The following CARS1 variants were observed in gnomAD, a reference collection of about 807,000 sequenced individuals.
CARS1 encodes the protein cysteine--tRNA ligase, cytoplasmic.
In CARS1, 48 loss-of-function variants were observed where a neutral mutation model predicts 106.2. That is an observed-to-expected ratio of 0.45 (90% confidence interval 0.36 to 0.57). CARS1 has a LOEUF of 0.57. CARS1 is among the 20% of genes least tolerant of loss of function. The pLI, the probability that CARS1 is intolerant of heterozygous loss-of-function variation, is 0.00. For missense variants in CARS1, 968 were observed against 1,057.2 expected, an observed-to-expected ratio of 0.92 and a Z score of 1.17; for synonymous variants, 409 against 403.4, an observed-to-expected ratio of 1.01 and a Z score of -0.17.
rs200672048 is a variant in CARS1, at chr11:3,020,283, G to A, written c.1203C>T (p.Asn401=). The A allele has an allele frequency of 5.3e-5, 86 of 1,614,044 alleles. No homozygotes were observed. The East Asian group carries it at 8.2e-4, about 15-fold the overall frequency. Residue 401 remains asparagine (N), a synonymous_variant, in exon 11 of 23, where the codon AAC becomes AAT. Coordinates refer to ENST00000380525, the MANE Select transcript of CARS1 (RefSeq NM_001014437.3). The surrounding 1 kb of genome is among the most constrained non-coding windows in gnomAD (Gnocchi z 4.6). ...ADRLSEKRSP[N]DFALWKASKP... ...TAGAGGCCTTCCATAAGGCAAAGTC[G>A]TTGGGAGAGCGCTTCTCACTCAGGC...
In CARS1 at chr11:3,029,398, A is replaced by G; in HGVS notation, c.847T>C (p.Ser283Pro). The change falls in exon 8 of 23, where the codon TCT (serine) becomes CCT (proline). Residue 283 changes from serine (S) to proline (P), a missense_variant. Transcript: ENST00000380525. This position sits in a 1 kb window ranked among gnomAD's most constrained non-coding sequence, Gnocchi z 5.9. ...TCAGTGACATCACAGCCAAGTGTAG[A>G]ATCCAGCCAGTCAGAGAGCAAATCC... Reference protein sequence around the residue: ...AKDLLSDWLDSTLGCDVTDNS... With the variant: ...AKDLLSDWLDPTLGCDVTDNS... 1 of 1,614,126 alleles carries G rather than the reference A, an allele frequency of 6.2e-7. No individual in the cohort carries two copies. The highest frequency in any genetic ancestry group is 8.5e-7 in the Non-Finnish European group (1 of 1,179,992).
chr11:3,049,903 T>C (rs1056736816), intron 1 of CARS1, among the ~76,000 whole-genome samples: 1 of 152,214 alleles, frequency 6.6e-6, no homozygotes, highest in African/African-American at 2.4e-5. Context: ...CACGAATGCC[T>C]TTCTCTGCTT....
At chr11:3,012,448 ACAGTCCCT>A (rs1310076988) in intron 17 of CARS1, among the ~76,000 whole-genome samples, 172 bp from the exon 18 acceptor site, 1 of 152,218 alleles carries the variant, frequency 6.6e-6, no homozygotes, top group African/African-American at 2.4e-5. Flanking sequence ...TCCCTGACAC[ACAGTCCCT>A]GCTAGGTGTG....
intron 18 of CARS1, among the ~76,000 whole-genome samples, chr11:3,011,610 T>C (rs1001973406): frequency 2.0e-5 from 3 of 152,114 alleles, no homozygotes; most frequent in Admixed American, 1.3e-4. Context: ...TGAGACTCCA[T>C]CTCAAACAAA....
rs998167409 is a variant in CARS1, at chr11:3,003,757, T to C, written c.2218-1157A>G. ...ACACAGTGCTCAGGATTTCTGCTTT[T>C]TCCCTTTAAAAGTTAGTATGTGTTT... On this transcript the variant is annotated intron_variant, in intron 20 of 22. Coordinates refer to ENST00000380525, the MANE Select transcript of CARS1 (RefSeq NM_001014437.3). The surrounding 1 kb of genome is among the most constrained non-coding windows in gnomAD (Gnocchi z 4.8). Among the ~76,000 whole-genome samples, 1 of 152,164 alleles carries C rather than the reference T, an allele frequency of 6.6e-6. No homozygotes were observed. Among genetic ancestry groups the C allele is most frequent in the Non-Finnish European group, 1.5e-5 (1 of 68,028 alleles).
rs1851583171 is a variant in CARS1 at position 3,021,702 on chromosome 11, C to A, written c.1154-1370G>T. Among the ~76,000 whole-genome samples, 1 of 152,138 alleles carries A rather than the reference C, an allele frequency of 6.6e-6. No individual in the cohort carries two copies. Among genetic ancestry groups the A allele is most frequent in the Non-Finnish European group, 1.5e-5 (1 of 68,016 alleles). On this transcript the variant is annotated intron_variant, in intron 10 of 22. Coordinates refer to ENST00000380525, the MANE Select transcript of CARS1 (RefSeq NM_001014437.3). This position sits in a 1 kb window ranked among gnomAD's most constrained non-coding sequence, Gnocchi z 5.3. ...GTTACCATTTTGGTATACTGATTCC[C>A]AGATTAAAAAACAAACACACAAAAA...
chr11:3,032,635 AT>A (rs1853008490), intron 7 of CARS1, among the ~76,000 whole-genome samples: 1 of 151,782 alleles, frequency 6.6e-6, no homozygotes, highest in South Asian at 2.1e-4. Flanking sequence ...CTGTTTAAAA[AT>A]TTTTTCCGAT....
rs1849618579 is a variant in CARS1 at position 3,003,878 on chromosome 11, G to C, written c.2218-1278C>G. Reference sequence around the variant, plus strand: ...TTCTTGCAGCAGCTTGGTGAGGTAAGAGTCCCTTGGTTGGGAAACAGGAGC... The same window carrying C: ...TTCTTGCAGCAGCTTGGTGAGGTAACAGTCCCTTGGTTGGGAAACAGGAGC... On this transcript the variant is annotated intron_variant, in intron 20 of 22. Coordinates refer to ENST00000380525, the MANE Select transcript of CARS1 (RefSeq NM_001014437.3). The surrounding 1 kb of genome is among the most constrained non-coding windows in gnomAD (Gnocchi z 4.8). Among the ~76,000 whole-genome samples, 1 of 152,174 alleles carries C rather than the reference G, an allele frequency of 6.6e-6. No individual in the cohort carries two copies. The highest frequency in any genetic ancestry group is 1.5e-5 in the Non-Finnish European group (1 of 68,020).
Position 3,037,952 on chromosome 11 carries a change from A to T in CARS1, c.801+98T>A. The T allele has an allele frequency of 7.9e-7, 1 of 1,265,524 alleles. No individual in the cohort carries two copies. Among genetic ancestry groups the T allele is most frequent in the Non-Finnish European group, 1.1e-6 (1 of 907,832 alleles). The allele number at this position is 1,265,524 out of a possible 1,614,324, so 78.4% of individuals were successfully genotyped here. ...CTGGAGACACAGAGTGTCTTCCACT[A>T]AGACAATCTGTGGAATCAATCCGTG... On this transcript the variant is annotated intron_variant, in intron 7 of 22. Transcript: ENST00000380525. This position sits in a 1 kb window ranked among gnomAD's most constrained non-coding sequence, Gnocchi z 5.9.
intron 1 of CARS1, among the ~76,000 whole-genome samples, chr11:3,051,063 C>T (rs750216458): frequency 3.3e-5 from 5 of 152,220 alleles, no homozygotes; most frequent in African/African-American, 9.7e-5. Flanking sequence ...GGTGGGCTGG[C>T]GTTCCCCTGT....
rs987577523 is a variant in CARS1, at chr11:3,048,069, G to C, written c.26-68C>G. The C allele has an allele frequency of 1.7e-5, 26 of 1,569,150 alleles. No homozygotes were observed. In the African/African-American group the frequency reaches 3.2e-4, roughly 20 times the overall value. Reference sequence around the variant, plus strand: ...CAGCCCAGAGGCCGCCAGAAAGACAGGGACTAGGGGATGGCACAGAACCAA... The same window carrying C: ...CAGCCCAGAGGCCGCCAGAAAGACACGGACTAGGGGATGGCACAGAACCAA... On this transcript the variant is annotated intron_variant, in intron 1 of 22. Coordinates refer to ENST00000380525, the MANE Select transcript of CARS1 (RefSeq NM_001014437.3). The surrounding 1 kb of genome is among the most constrained non-coding windows in gnomAD (Gnocchi z 5.1).
At chr11:3,012,706 C>T (rs1355661992) in intron 17 of CARS1, among the ~76,000 whole-genome samples, 8 of 152,208 alleles carry the variant, frequency 5.3e-5, no homozygotes, top group African/African-American at 1.7e-4. Flanking sequence ...CTGAGGCTGG[C>T]GGCTCCCGGG....
At chr11:3,011,642 G>A (rs1188232951) in intron 18 of CARS1, among the ~76,000 whole-genome samples, 2 of 152,212 alleles carry the variant, frequency 1.3e-5, no homozygotes, top group Middle Eastern at 3.4e-3. Context: ...AAAGATGAAG[G>A]AATGGCTGCT....
At chr11:3,027,250 G>A (rs1335263310) in intron 9 of CARS1, 1 of 154,698 alleles carries the variant, frequency 6.5e-6, no homozygotes, top group African/African-American at 2.4e-5. Flanking sequence ...AGGCTCTTAT[G>A]CTGCCCCACA....
Position 3,041,229 on chromosome 11 carries a change from G to A in CARS1, c.367-245C>T, listed in dbSNP as rs1056804142. On this transcript the variant is annotated intron_variant, in intron 3 of 22. Coordinates refer to ENST00000380525, the MANE Select transcript of CARS1 (RefSeq NM_001014437.3). This position sits in a 1 kb window ranked among gnomAD's most constrained non-coding sequence, Gnocchi z 4.9. Reference sequence around the variant, plus strand: ...CCTCCCTGGGGTTCTACTCATCTATGGAGGGAGGCGATAAAGGGAATCAAT... The same window carrying A: ...CCTCCCTGGGGTTCTACTCATCTATAGAGGGAGGCGATAAAGGGAATCAAT... 1 of 532,270 alleles carries A rather than the reference G, an allele frequency of 1.9e-6. No individual in the cohort carries two copies. The highest frequency in any genetic ancestry group is 3.3e-6 in the Non-Finnish European group (1 of 299,118). The allele number at this position is 532,270 out of a possible 1,614,324, so 33.0% of individuals were successfully genotyped here. A position where few individuals can be genotyped will look rare whatever the true frequency, so the allele number is the denominator to read the frequency against.
chr11:3,020,284 T>C lies in CARS1; in HGVS notation c.1202A>G (p.Asn401Ser), dbSNP rs141245256. ...ADRLSEKRSP[N>S]DFALWKASKP... Reference sequence around the variant, plus strand: ...AGAGGCCTTCCATAAGGCAAAGTCGTTGGGAGAGCGCTTCTCACTCAGGCG... The same window carrying C: ...AGAGGCCTTCCATAAGGCAAAGTCGCTGGGAGAGCGCTTCTCACTCAGGCG... Residue 401 changes from asparagine to serine, a missense_variant, in exon 11 of 23, where the codon AAC (asparagine) becomes AGC (serine). Coordinates refer to ENST00000380525, the MANE Select transcript of CARS1 (RefSeq NM_001014437.3). This position sits in a 1 kb window ranked among gnomAD's most constrained non-coding sequence, Gnocchi z 4.6. The C allele has an allele frequency of 2.0e-4, 321 of 1,614,072 alleles. No homozygotes were observed. The highest frequency in any genetic ancestry group is 4.0e-4 in the Admixed American group (24 of 60,024).
At chr11:3,042,985 C>T (rs537275095) in intron 2 of CARS1, among the ~76,000 whole-genome samples, 1 of 152,334 alleles carries the variant, frequency 6.6e-6, no homozygotes, top group Non-Finnish European at 1.5e-5. Flanking sequence ...GCCCAGCAGA[C>T]TCTGATCCAG....
rs117086101 is a variant in CARS1, at chr11:3,017,311, G to T, written c.1728-16C>A. 2 of 1,606,148 alleles carry T rather than the reference G, an allele frequency of 1.2e-6. No individual in the cohort carries two copies. Among genetic ancestry groups the T allele is most frequent in the Non-Finnish European group, 1.7e-6 (2 of 1,173,534 alleles). ...GTCATAAAAGCTGAGCAACAAAGAG[G>T]AAGGAATGTGAAGTCAGACCTGAAA... On this transcript the variant is annotated splice_polypyrimidine_tract_variant and intron_variant, in intron 15 of 22. Coordinates refer to ENST00000380525, the MANE Select transcript of CARS1 (RefSeq NM_001014437.3). The surrounding 1 kb of genome is among the most constrained non-coding windows in gnomAD (Gnocchi z 4.9).
Position 3,001,212 on chromosome 11 carries a change from T to TGAGCTCTTTGCC in CARS1, c.2386_2397dup (p.Gly796_Leu799dup). On this transcript the variant is annotated inframe_insertion, in exon 23 of 23. Coordinates refer to ENST00000380525, the MANE Select transcript of CARS1 (RefSeq NM_001014437.3). The stretch of plus-strand genomic sequence containing the variant: ...TTCAGCTTCTTGGCTTGCCCTTTGC[T>TGAGCTCTTTGCC]GAGCTCTTTGCCCTCCATGTCATGT... 6.2e-7 allele frequency: 1 copy of TGAGCTCTTTGCC among 1,614,036 alleles called. No individual in the cohort carries two copies. Among genetic ancestry groups the TGAGCTCTTTGCC allele is most frequent in the Non-Finnish European group, 8.5e-7 (1 of 1,180,034 alleles).
Sources: allele counts gnomAD v4.1 joint callset (sites outside exome capture counted in the v4.1 genomes callset), GRCh38; gene constraint gnomAD v4.1.1; non-coding constraint Gnocchi (gnomAD v3.1); transcripts MANE v1.5; gene names NCBI Gene and HGNC (gene_info 2026-07-23, HGNC 2026-07-21).